Variants in DNAH5 observed in about 807,000 individuals in gnomAD.
DNAH5 encodes dynein axonemal heavy chain 5.
Under a neutral mutation model 518.2 loss-of-function variants are expected in DNAH5, and 372 were observed. The ratio of observed to expected loss-of-function variants is 0.72; its 90% CI spans 0.66 to 0.78. The LOEUF is 0.78. Ranked by LOEUF, DNAH5 falls within the 30% of genes least tolerant of loss-of-function variation. The probability of loss-of-function intolerance (pLI) is 0.00; values close to 1 mark genes in which losing one functional copy is unlikely to be tolerated. For missense variants in DNAH5, 5,523 were observed against 5,687.0 expected, an observed-to-expected ratio of 0.97 and a Z score of 0.93; for synonymous variants, 2,039 against 2,025.9, an observed-to-expected ratio of 1.01 and a Z score of -0.17.
chr5:13,797,470 T>C (rs766120387), intron 47 of DNAH5, among the ~76,000 whole-genome samples: 5 of 152,048 alleles, frequency 3.3e-5, no homozygotes, highest in Admixed American at 6.5e-5. Flanking sequence ...TCATCACTGG[T>C]CATCAGAGAA....
chr5:13,735,757 A>C, intron 67 of DNAH5, 61 bp downstream of exon 67: 15 of 1,199,476 alleles, frequency 1.3e-5, no homozygotes, highest in East Asian at 2.3e-5. Flanking sequence ...TTATAAATGT[A>C]ATGTCATCAT....
At chr5:13,899,964 G>T in intron 15 of DNAH5, 1 of 514,896 alleles carries the variant, frequency 1.9e-6, no homozygotes, top group Non-Finnish European at 3.4e-6. Context: ...TCAGTGGCTC[G>T]AAATCCTCCA....
At chr5:13,876,215 C>T (rs571020352) in intron 22 of DNAH5, among the ~76,000 whole-genome samples, 1 of 152,220 alleles carries the variant, frequency 6.6e-6, no homozygotes, top group East Asian at 1.9e-4. Context: ...GTACTAATAT[C>T]TTCTTTATTC....
At chr5:13,816,660 G>C (rs114041029) in intron 42 of DNAH5, among the ~76,000 whole-genome samples, 1 of 151,738 alleles carries the variant, frequency 6.6e-6, no homozygotes, top group Non-Finnish European at 1.5e-5. Context: ...AATAAAATTC[G>C]ATTTATTTCC....
At chr5:13,728,916 T>C (rs763311451) in intron 69 of DNAH5, among the ~76,000 whole-genome samples, 33 of 152,126 alleles carry the variant, frequency 2.2e-4, no homozygotes, top group Non-Finnish European at 4.4e-4. Context: ...TCTAGAAAGA[T>C]GATAACTTCT....
At chr5:13,719,589 A>C (rs1298107309) in intron 71 of DNAH5, among the ~76,000 whole-genome samples, 1 of 152,246 alleles carries the variant, frequency 6.6e-6, no homozygotes, top group East Asian at 1.9e-4. Context: ...AACCTGATTT[A>C]TACCACATAA....
At chr5:13,782,562 G>A (rs1372339981) in intron 52 of DNAH5, among the ~76,000 whole-genome samples, 1 of 152,106 alleles carries the variant, frequency 6.6e-6, no homozygotes, top group Non-Finnish European at 1.5e-5. Flanking sequence ...CACAGACGGT[G>A]GGTAAGAAGC....
chr5:13,899,678 C>G (rs1189124973), intron 15 of DNAH5: 2 of 158,900 alleles, frequency 1.3e-5, no homozygotes, highest in East Asian at 3.7e-4. Flanking sequence ...ATGCAACCTA[C>G]ACAGCATTCT....
At chr5:13,785,667 C>A (rs1414284322) in intron 52 of DNAH5, among the ~76,000 whole-genome samples, 1 of 152,184 alleles carries the variant, frequency 6.6e-6, no homozygotes, top group Non-Finnish European at 1.5e-5. Flanking sequence ...AACACTAACT[C>A]CCCAATCGTC....
chr5:13,937,349 A>T (rs1056034644), intron 1 of DNAH5, among the ~76,000 whole-genome samples: 2 of 150,906 alleles, frequency 1.3e-5, no homozygotes, highest in Non-Finnish European at 2.9e-5. Context: ...TTCCTGAGTT[A>T]TATCAGTGGT....
At chr5:13,991,979 C>T (rs994567037) in intron 1 of DNAH5, among the ~76,000 whole-genome samples, 22 of 152,176 alleles carry the variant, frequency 1.4e-4, no homozygotes, top group South Asian at 4.1e-4. Context: ...GCAGAATGAA[C>T]GGACTTTTAA....
chr5:13,772,843 T>C (rs1162688430), intron 55 of DNAH5, among the ~76,000 whole-genome samples: 2 of 152,224 alleles, frequency 1.3e-5, no homozygotes, highest in South Asian at 2.1e-4. Flanking sequence ...GATATATTTC[T>C]TTCTAGATGC....
rs372553682 is a variant in DNAH5 at position 13,856,355 on chromosome 5, G to A, written c.4950+3097C>T. 3.3e-5 allele frequency among the ~76,000 whole-genome samples: 5 copies of A among 152,248 alleles called. No homozygotes were observed. The East Asian group carries it at 7.7e-4, about 24-fold the overall frequency. The stretch of plus-strand genomic sequence containing the variant: ...CACAGAAATACAAACTGCCATCAGA[G>A]AATACTATAAACACCTCTATACAAA... On this transcript the variant is annotated intron_variant, in intron 30 of 78. Coordinates refer to ENST00000265104, the MANE Select transcript of DNAH5 (RefSeq NM_001369.3).
At chr5:13,822,146 T>C (rs1867678) in intron 40 of DNAH5, among the ~76,000 whole-genome samples, 22,712 of 151,970 alleles carry the variant, frequency 0.15, 1,756 homozygotes, top group Admixed American at 0.19. Context: ...TGCAGACAAA[T>C]TATCACTCTT....
Position 13,928,118 on chromosome 5 carries a change from G to A in DNAH5, c.253C>T (p.Gln85Ter). 6.2e-7 allele frequency: 1 copy of A among 1,613,778 alleles called. No homozygotes were observed. Among genetic ancestry groups the A allele is most frequent in the Non-Finnish European group, 8.5e-7 (1 of 1,179,734 alleles). The change falls in exon 3 of 79, where the codon CAA becomes TAA. Residue 85 changes from glutamine to a stop codon, truncating the protein, a stop_gained. Transcript: ENST00000265104. LOFTEE classifies it high-confidence loss of function. ...GGLRHLMFYY[Q>*]DVEEAETGQL... ...CCTGTTTCTGCTTCCTCCACATCTT[G>A]ATAGTAAAACATGAGGTGTCGGAGA...
chr5:13,909,205 G>A (rs1775697064), intron 12 of DNAH5, among the ~76,000 whole-genome samples: 2 of 152,150 alleles, frequency 1.3e-5, no homozygotes, highest in Non-Finnish European at 2.9e-5. Context: ...CCCGGTGGGT[G>A]ACTGAAACCA....
intron 16 of DNAH5, among the ~76,000 whole-genome samples, chr5:13,891,375 C>A (rs1773193458): frequency 6.6e-6 from 1 of 152,124 alleles, no homozygotes; most frequent in Non-Finnish European, 1.5e-5. Context: ...TGATTATGAT[C>A]ATTCTTATTA....
intron 33 of DNAH5, 94 bp from the exon 34 acceptor site, chr5:13,841,224 A>T: frequency 1.0e-6 from 1 of 1,003,352 alleles, no homozygotes; most frequent in Non-Finnish European, 1.5e-6. Context: ...ATTGTTACAC[A>T]AGTGTAAAGC....
At chr5:13,852,660 C>T (rs1283194186) in intron 30 of DNAH5, among the ~76,000 whole-genome samples, 1 of 152,096 alleles carries the variant, frequency 6.6e-6, no homozygotes, top group East Asian at 1.9e-4. Context: ...TGAAGTCGAC[C>T]GGGAATGCTC....
Sources: gnomAD v4.1 joint callset for allele counts (sites outside exome capture counted in the v4.1 genomes callset) on GRCh38, gnomAD v4.1.1 for gene constraint, MANE v1.5 for transcripts, NCBI Gene and HGNC (gene_info 2026-07-23, HGNC 2026-07-21) for gene names.